Variants in CNTN1 observed in about 807,000 individuals in gnomAD.
CNTN1 encodes contactin 1.
Under a neutral mutation model 126.4 loss-of-function variants are expected in CNTN1, and 38 were observed. The ratio of observed to expected loss-of-function variants is 0.30; its 90% CI spans 0.23 to 0.39. The LOEUF is 0.39. Ranked by LOEUF, CNTN1 falls within the 10% of genes least tolerant of loss-of-function variation. The probability of loss-of-function intolerance (pLI) is 1.00; values close to 1 mark genes in which losing one functional copy is unlikely to be tolerated. For missense variants in CNTN1, 1,009 were observed against 1,248.4 expected (o/e 0.81, Z 2.89); for synonymous variants, 413 against 422.6 (o/e 0.98, Z 0.28).
At chr12:41,044,354 A>T (rs1214736437) in intron 23 of CNTN1, among the ~76,000 whole-genome samples, 1 of 151,980 alleles carries the variant, frequency 6.6e-6, no homozygotes, top group African/African-American at 2.4e-5. Flanking sequence ...TTGAGTTGTA[A>T]GAATTCTGGT....
Position 40,973,004 on chromosome 12 carries a change from T to C in CNTN1, c.1805-7905T>C, listed in dbSNP as rs1947567092. ...CATTTAGCATTAAGTATTTTGTTTT[T>C]TAAAGAAATAATAAAAATTCTAAAG... On this transcript the variant is annotated intron_variant, in intron 15 of 23. Coordinates refer to ENST00000551295, the MANE Select transcript of CNTN1 (RefSeq NM_001843.4). 2.0e-5 allele frequency among the ~76,000 whole-genome samples: 3 copies of C among 152,088 alleles called. No homozygotes were observed. The South Asian group carries it at 6.2e-4, about 32-fold the overall frequency.
chr12:41,019,731 G>A (rs571886748), intron 19 of CNTN1, among the ~76,000 whole-genome samples: 3 of 152,222 alleles, frequency 2.0e-5, no homozygotes, highest in African/African-American at 7.2e-5. Context: ...GGAAACAGTG[G>A]ATGTTACAAC....
At chr12:40,808,329 G>A (rs1940936764) in intron 1 of CNTN1, among the ~76,000 whole-genome samples, 1 of 152,146 alleles carries the variant, frequency 6.6e-6, no homozygotes, top group South Asian at 2.1e-4. Context: ...CCAGGGAAAA[G>A]AGAAAACCCT....
intron 1 of CNTN1, among the ~76,000 whole-genome samples, chr12:40,722,484 A>T (rs971102073): frequency 2.0e-5 from 3 of 152,142 alleles, no homozygotes; most frequent in Non-Finnish European, 2.9e-5. Context: ...TCTCTATTAG[A>T]TATTGTCCAT....
At chr12:40,695,152 CT>C (rs943410701) in intron 1 of CNTN1, among the ~76,000 whole-genome samples, 5 of 152,174 alleles carry the variant, frequency 3.3e-5, no homozygotes, top group African/African-American at 1.2e-4. Flanking sequence ...CACTTATAAT[CT>C]TTTTGTATAC....
chr12:40,906,663 T>C (rs1407412243), intron 1 of CNTN1, among the ~76,000 whole-genome samples: 6 of 141,920 alleles, frequency 4.2e-5, no homozygotes, highest in Admixed American at 7.4e-5. Context: ...AAAATTGTTT[T>C]TCATGCTTTT....
intron 14 of CNTN1, among the ~76,000 whole-genome samples, chr12:40,948,022 C>G (rs1946499572): frequency 6.6e-6 from 1 of 151,736 alleles, no homozygotes; most frequent in South Asian, 2.1e-4. Flanking sequence ...CTCTAAGCCT[C>G]AGAATTTCCC....
intron 1 of CNTN1, among the ~76,000 whole-genome samples, chr12:40,856,297 C>T (rs1942905171): frequency 6.6e-6 from 1 of 151,972 alleles, no homozygotes; most frequent in African/African-American, 2.4e-5. Flanking sequence ...AGTGGAAAGA[C>T]ATTAGAAAGA....
chr12:41,016,289 G>A (rs1196515645), intron 18 of CNTN1, among the ~76,000 whole-genome samples: 2 of 152,186 alleles, frequency 1.3e-5, no homozygotes. Context: ...ACAATAGGTA[G>A]GGTGCGGGAC....
chr12:41,066,809 C>T (rs1401460324), intron 23 of CNTN1, among the ~76,000 whole-genome samples: 1 of 151,916 alleles, frequency 6.6e-6, no homozygotes, highest in Non-Finnish European at 1.5e-5. Context: ...CGGGAATTCT[C>T]CCTGAAGGAA....
At chr12:40,930,888 A>C (rs1270473444) in intron 7 of CNTN1, among the ~76,000 whole-genome samples, 2 of 151,970 alleles carry the variant, frequency 1.3e-5, no homozygotes, top group Non-Finnish European at 2.9e-5. Flanking sequence ...TCTCAGTTTT[A>C]AGAGATAATC....
chr12:40,790,354 C>T (rs1422189600), intron 1 of CNTN1, among the ~76,000 whole-genome samples: 1 of 152,080 alleles, frequency 6.6e-6, no homozygotes, highest in Admixed American at 6.6e-5. Flanking sequence ...CAACTTGACC[C>T]AGTGAGCTGT....
At chr12:40,882,654 A>G (rs1422720492) in intron 1 of CNTN1, among the ~76,000 whole-genome samples, 1 of 151,656 alleles carries the variant, frequency 6.6e-6, no homozygotes, top group Non-Finnish European at 1.5e-5. Flanking sequence ...GATCTATGCC[A>G]TGCCTAATCA....
intron 1 of CNTN1, among the ~76,000 whole-genome samples, chr12:40,759,470 CTCTT>C (rs2136412891): frequency 6.9e-6 from 1 of 144,140 alleles, no homozygotes; most frequent in African/African-American, 2.6e-5. Context: ...CTTTCCCTTT[CTCTT>C]TCTCTTTTTT....
chr12:41,015,370 A>C (rs1401733936), intron 18 of CNTN1, among the ~76,000 whole-genome samples: 1 of 152,162 alleles, frequency 6.6e-6, no homozygotes, highest in Non-Finnish European at 1.5e-5. Flanking sequence ...TAAAAAATTC[A>C]GTATTGGAAA....
chr12:40,844,280 C>A (rs1431450954), intron 1 of CNTN1, among the ~76,000 whole-genome samples: 2 of 151,600 alleles, frequency 1.3e-5, no homozygotes, highest in Admixed American at 6.6e-5. Flanking sequence ...ATTGGCCAAG[C>A]TGGTCTCGGA....
intron 23 of CNTN1, among the ~76,000 whole-genome samples, chr12:41,030,286 G>A (rs956003785): frequency 1.3e-5 from 2 of 151,954 alleles, no homozygotes; most frequent in African/African-American, 4.8e-5. Flanking sequence ...CAATGCCAGA[G>A]TATTTAATGG....
chr12:40,995,918 C>G (rs1948201577), intron 17 of CNTN1, among the ~76,000 whole-genome samples: 1 of 152,146 alleles, frequency 6.6e-6, no homozygotes, highest in Admixed American at 6.5e-5. Context: ...CCCACAATAA[C>G]TTTATGAAAC....
chr12:40,920,191 G>T (rs1171083652), intron 4 of CNTN1, among the ~76,000 whole-genome samples: 3 of 152,020 alleles, frequency 2.0e-5, no homozygotes, highest in Admixed American at 6.6e-5. Context: ...GTCACACAAG[G>T]GACCTTAGCA....
Sources: allele counts gnomAD v4.1 joint callset (sites outside exome capture counted in the v4.1 genomes callset), GRCh38; gene constraint gnomAD v4.1.1; transcripts MANE v1.5; gene names NCBI Gene and HGNC (gene_info 2026-07-23, HGNC 2026-07-21).